KMT2C: variants seen among roughly 807,000 people sequenced by gnomAD.
KMT2C encodes histone-lysine N-methyltransferase 2C.
Under a neutral mutation model 507.9 loss-of-function variants are expected in KMT2C, and 88 were observed. That is an observed-to-expected ratio of 0.17 (90% CI 0.15 to 0.21). The LOEUF is 0.21. Among genes scored for constraint, KMT2C ranks in the 10% least tolerant of loss-of-function variants. The pLI is 1.00. For synonymous variants in KMT2C, 2,049 were observed against 2,080.8 expected (o/e 0.98, Z 0.42); for missense variants, 4,954 against 5,957.8 (o/e 0.83, Z 5.55).
intron 1 of KMT2C, among the ~76,000 whole-genome samples, chr7:152,381,653 A>G (rs111422950): frequency 2.5e-4 from 38 of 149,514 alleles, no homozygotes; most frequent in East Asian, 8.0e-4. Flanking sequence ...AGAAGTAAAG[A>G]TACCATGAAT....
rs1290375135 is a variant in KMT2C, at chr7:152,435,787, C to A, written c.-1G>T. 5 of 1,410,932 alleles carry A rather than the reference C, an allele frequency of 3.5e-6. No homozygotes were observed. The highest frequency in any genetic ancestry group is 4.6e-6 in the Non-Finnish European group (5 of 1,075,986). The allele number at this position is 1,410,932 out of a possible 1,614,324, so 87.4% of individuals were successfully genotyped here. On this transcript the variant is annotated 5_prime_UTR_variant, in exon 1 of 59. Coordinates refer to ENST00000262189, the MANE Select transcript of KMT2C (RefSeq NM_170606.3). ...CGCTCTTGTCCTCCTCCGACGACAT[C>A]CTAGTCACCAGGAAAGACACATGGA...
At chr7:152,141,452 G>A (rs1341545597) in intron 55 of KMT2C, among the ~76,000 whole-genome samples, 2 of 151,680 alleles carry the variant, frequency 1.3e-5, no homozygotes, top group Non-Finnish European at 2.9e-5. Flanking sequence ...GCTCACACCT[G>A]TAATACCAGC....
chr7:152,226,761 T>C (rs1195323968), intron 18 of KMT2C, among the ~76,000 whole-genome samples: 1 of 152,138 alleles, frequency 6.6e-6, no homozygotes, highest in East Asian at 1.9e-4. Context: ...ATATGATCTG[T>C]TGCAACTTTA....
chr7:152,413,747 T>C (rs554842761), intron 1 of KMT2C, among the ~76,000 whole-genome samples: 5 of 151,862 alleles, frequency 3.3e-5, no homozygotes, highest in African/African-American at 9.7e-5. Flanking sequence ...TAGCCAGGTG[T>C]GGTGGCGGGC....
At chr7:152,151,268 G>T (rs143172959) in intron 50 of KMT2C, among the ~76,000 whole-genome samples, 174 bp downstream of exon 50, 1 of 152,258 alleles carries the variant, frequency 6.6e-6, no homozygotes, top group Non-Finnish European at 1.5e-5. Flanking sequence ...ACAGCCTGTT[G>T]TAGCTCTTTG....
chr7:152,189,686 T>TGAG (rs1036613025), intron 31 of KMT2C, among the ~76,000 whole-genome samples: 2 of 152,132 alleles, frequency 1.3e-5, no homozygotes, highest in Non-Finnish European at 2.9e-5. Flanking sequence ...TTCCTAGAAC[T>TGAG]CTCTGACTTT....
chr7:152,364,838 C>CA (rs1019765035), intron 1 of KMT2C, among the ~76,000 whole-genome samples: 8 of 150,994 alleles, frequency 5.3e-5, no homozygotes, highest in African/African-American at 1.9e-4. Context: ...GGGATAGGGA[C>CA]AAAAAAATTG....
intron 23 of KMT2C, among the ~76,000 whole-genome samples, chr7:152,217,332 G>C (rs2094610030): frequency 6.6e-6 from 1 of 152,096 alleles, no homozygotes; most frequent in Non-Finnish European, 1.5e-5. Context: ...GGATAATATA[G>C]TAATCTAAAA....
rs767052025 is a variant in KMT2C at position 152,330,664 on chromosome 7, T to C, written c.326A>G (p.Gln109Arg). Residue 109 changes from glutamine to arginine, a missense_variant, in exon 3 of 59, where the codon CAG (glutamine) becomes CGG (arginine). Physicochemically the swap from Gln to Arg is conservative, Grantham distance 43 (BLOSUM62 1). Around this residue, in one of 29 missense-constraint regions of KMT2C, gnomAD observed 233 missense variants for 263.6 expected, o/e 0.88. Transcript: ENST00000262189. Reference protein sequence around the residue: ...DNSKQLIPTLQRSVSEESANS... With the variant: ...DNSKQLIPTLRRSVSEESANS... ...TGCCGATTCCTCAGACACAGATCGCTGAAGAGTTGGAATTAGCTGTTTGCT... is the reference window on the plus strand; with the variant it reads ...TGCCGATTCCTCAGACACAGATCGCCGAAGAGTTGGAATTAGCTGTTTGCT... 2.5e-6 allele frequency: 4 copies of C among 1,614,166 alleles called. No homozygotes were observed. The South Asian group carries it at 4.4e-5, about 18-fold the overall frequency.
At chr7:152,162,050 A>C (rs1438832067) in intron 43 of KMT2C, 67 bp downstream of exon 43, 16 of 1,448,594 alleles carry the variant, frequency 1.1e-5, no homozygotes, top group Non-Finnish European at 1.5e-5. Context: ...AGTTGCTGGT[A>C]CTAATCTGCT....
chr7:152,253,327 T>C (rs1399027541), intron 9 of KMT2C, among the ~76,000 whole-genome samples: 1 of 151,368 alleles, frequency 6.6e-6, no homozygotes, highest in East Asian at 1.9e-4. Flanking sequence ...AAAAGAAACA[T>C]ATGCTAGGAG....
intron 44 of KMT2C, among the ~76,000 whole-genome samples, chr7:152,157,312 A>G (rs2092124756): frequency 6.7e-6 from 1 of 148,416 alleles, no homozygotes. Context: ...TGGGTGACAG[A>G]GCGAGACCCT....
At chr7:152,217,143 A>C (rs554777425) in intron 23 of KMT2C, among the ~76,000 whole-genome samples, 11 of 152,306 alleles carry the variant, frequency 7.2e-5, no homozygotes, top group African/African-American at 2.2e-4. Flanking sequence ...AGTCTAAAAC[A>C]TCACAAATTT....
Position 152,176,982 on chromosome 7 carries a change from G to A in KMT2C, c.8471C>T (p.Thr2824Met), listed in dbSNP as rs780982767. The A allele has an allele frequency of 3.0e-5, 49 of 1,613,792 alleles. No homozygotes were observed. The highest frequency in any genetic ancestry group is 4.0e-5 in the African/African-American group (3 of 74,976). Residue 2824 changes from threonine to methionine, a missense_variant, in exon 38 of 59, where the codon ACG (threonine) becomes ATG (methionine). Thr to Met is a moderately conservative substitution (Grantham distance 81, BLOSUM62 -1). Coordinates refer to ENST00000262189, the MANE Select transcript of KMT2C (RefSeq NM_170606.3). Reference protein sequence around the residue: ...KKSTVTNEVKTEVLSPNSKVE... With the variant: ...KKSTVTNEVKMEVLSPNSKVE... ...CTTAGAATTTGGAGACAGTACTTCC[G>A]TTTTTACCTCATTGGTAACAGTGGA...
intron 1 of KMT2C, among the ~76,000 whole-genome samples, chr7:152,394,876 T>G (rs537241149): frequency 7.2e-5 from 11 of 152,262 alleles, no homozygotes; most frequent in African/African-American, 2.6e-4. Flanking sequence ...ACCATCTAGG[T>G]CCGTGATAAT....
At chr7:152,196,098 T>C in intron 27 of KMT2C, 87 bp from the exon 28 acceptor site, 2 of 600,112 alleles carry the variant, frequency 3.3e-6, no homozygotes, top group Non-Finnish European at 5.5e-6. Flanking sequence ...CAGCAGATAC[T>C]GAGTGAGGCA....
At chr7:152,155,844 A>G (rs1267174905) in intron 46 of KMT2C, 66 bp downstream of exon 46, 5 of 1,451,814 alleles carry the variant, frequency 3.4e-6, no homozygotes, top group African/African-American at 2.9e-5. Flanking sequence ...TATGCCACAT[A>G]CATACATTTA....
intron 23 of KMT2C, among the ~76,000 whole-genome samples, chr7:152,211,267 A>G (rs914138078): frequency 2.6e-5 from 4 of 152,252 alleles, no homozygotes; most frequent in Admixed American, 1.3e-4. Context: ...GGAAAAGATG[A>G]GTCAGGTAGG....
chr7:152,239,510 T>C (rs113030584), intron 14 of KMT2C, among the ~76,000 whole-genome samples: 63 of 138,388 alleles, frequency 4.6e-4, no homozygotes, highest in Middle Eastern at 3.9e-3. Flanking sequence ...GAAGAAACGT[T>C]AAAGCAAATT....
Sources: allele counts gnomAD v4.1 joint callset (sites outside exome capture counted in the v4.1 genomes callset), GRCh38; gene constraint gnomAD v4.1.1; regional missense constraint gnomAD v4.1.1; transcripts MANE v1.5; gene names NCBI Gene and HGNC (gene_info 2026-07-23, HGNC 2026-07-21).